BEND4: variants seen among roughly 807,000 people sequenced by gnomAD.
BEND4 encodes BEN domain-containing protein 4.
BEND4 carries 27 observed loss-of-function variants against 54.7 expected under a neutral mutation model. The observed-to-expected ratio is 0.49, with a 90% CI of 0.36 to 0.68. The LOEUF (loss-of-function observed/expected upper bound fraction) is 0.68. BEND4 is among the 30% of genes least tolerant of loss of function. The probability of loss-of-function intolerance (pLI) is 0.00; values close to 1 mark genes in which losing one functional copy is unlikely to be tolerated. For synonymous variants in BEND4, 327 were observed against 299.5 expected, an observed-to-expected ratio of 1.09 and a Z score of -0.95; for missense variants, 702 against 697.2, an observed-to-expected ratio of 1.01 and a Z score of -0.08.
rs1175593487 is a variant in BEND4, at chr4:42,114,473, T to C, written c.*3045A>G. ...CCAATTAAGTGGGGGCACAGCTGCA[T>C]CCTGAGCTGTTTTAACTCAATCTAT... is the stretch of plus-strand genomic sequence containing the variant. On this transcript the variant is annotated 3_prime_UTR_variant, in exon 6 of 6. Transcript: ENST00000502486. 9 of 152,288 alleles carry C rather than the reference T, an allele frequency of 5.9e-5. No individual in the cohort carries two copies. Among genetic ancestry groups the C allele is most frequent in the African/African-American group, 1.9e-4 (8 of 41,566 alleles). 9.4% of individuals were successfully genotyped at this position (152,288 alleles called of 1,614,324 possible).
At chr4:42,123,715 A>AAAC (rs75243803) in intron 4 of BEND4, among the ~76,000 whole-genome samples, 1 of 151,138 alleles carries the variant, frequency 6.6e-6, no homozygotes, top group Non-Finnish European at 1.5e-5. Context: ...AAAAAAAAAA[A>AAAC]AACAACTTTC....
At chr4:42,144,711 A>G (rs903747563) in intron 2 of BEND4, among the ~76,000 whole-genome samples, 3 of 152,238 alleles carry the variant, frequency 2.0e-5, no homozygotes, top group Non-Finnish European at 4.4e-5. Flanking sequence ...AACCTCTTCC[A>G]GTAGATTGCC....
At chr4:42,147,852 C>T (rs1056895884) in intron 2 of BEND4, among the ~76,000 whole-genome samples, 1 of 152,024 alleles carries the variant, frequency 6.6e-6, no homozygotes, top group Non-Finnish European at 1.5e-5. Context: ...GGGAAGTAGG[C>T]AATCAAATAG....
intron 5 of BEND4, chr4:42,119,840 C>T: frequency 1.8e-6 from 1 of 569,030 alleles, no homozygotes; most frequent in Admixed American, 2.9e-5. Context: ...CTATGCGATG[C>T]TTATGTACCA....
intron 3 of BEND4, among the ~76,000 whole-genome samples, chr4:42,136,533 A>C (rs1359218272): frequency 1.3e-5 from 2 of 152,226 alleles, no homozygotes; most frequent in Non-Finnish European, 2.9e-5. Flanking sequence ...TCATTCACAG[A>C]CATATGCAGA....
At chr4:42,130,624 A>G (rs1253233664) in intron 3 of BEND4, among the ~76,000 whole-genome samples, 7 of 152,300 alleles carry the variant, frequency 4.6e-5, no homozygotes. Context: ...GGGAAAGCAA[A>G]TTAGTTCAAC....
rs189789110 is a variant in BEND4 at position 42,119,350 on chromosome 4, T to A, written c.1387+704A>T. ...AGCTTTTTGATATGGATTTTTCAGG[T>A]GTGAACAATGTTTTGTTGGCACTAT... On this transcript the variant is annotated intron_variant, in intron 5 of 5. Transcript: ENST00000502486. Among the ~76,000 whole-genome samples the A allele has an allele frequency of 2.1e-3, 321 of 152,306 alleles. 1 individual carries two copies. The highest frequency in any genetic ancestry group is 7.2e-3 in the African/African-American group (298 of 41,566).
In BEND4 at chr4:42,111,653, G is replaced by A. The variant is rs1374369887; in HGVS notation, c.*5865C>T. 1 of 152,210 alleles carries A rather than the reference G, an allele frequency of 6.6e-6. No homozygotes were observed. Among genetic ancestry groups the A allele is most frequent in the Non-Finnish European group, 1.5e-5 (1 of 68,050 alleles). The allele number at this position is 152,210 out of a possible 1,614,324, so 9.4% of individuals were successfully genotyped here. On this transcript the variant is annotated 3_prime_UTR_variant, in exon 6 of 6. Transcript: ENST00000502486. ...ATTTTCTTACAAAATTTTCACAACA[G>A]TTCTCACAGTGACATCATAAATTAA...
At position 42,144,206 on chromosome 4, in the gene BEND4, T is replaced by C. The variant is rs566702394; in HGVS notation, c.488-212A>G. The C allele has an allele frequency of 1.2e-4, 73 of 597,728 alleles. No homozygotes were observed. In the African/African-American group the frequency reaches 1.3e-3, roughly 11 times the overall value. The allele number at this position is 597,728 out of a possible 1,614,324, so 37.0% of individuals were successfully genotyped here. On this transcript the variant is annotated intron_variant, in intron 2 of 5. Transcript: ENST00000502486. ...GGGATGCTTGCTGAGTCACACGCAG[T>C]CTCTTGCTCTAGGAAACGGCTGGAC... is the stretch of plus-strand genomic sequence containing the variant.
chr4:42,150,241 A>C (rs1279212228), intron 2 of BEND4, among the ~76,000 whole-genome samples: 1 of 152,328 alleles, frequency 6.6e-6, no homozygotes, highest in South Asian at 2.1e-4. Flanking sequence ...AAATCAAGTG[A>C]GCCAACTGCC....
intron 3 of BEND4, among the ~76,000 whole-genome samples, chr4:42,140,313 C>T (rs572368679): frequency 7.2e-5 from 11 of 152,124 alleles, no homozygotes; most frequent in Admixed American, 1.3e-4. Context: ...TAAGTAATCA[C>T]AAATAAGCTA....
At chr4:42,137,884 C>G (rs768604298) in intron 3 of BEND4, among the ~76,000 whole-genome samples, 8 of 152,074 alleles carry the variant, frequency 5.3e-5, no homozygotes, top group Non-Finnish European at 1.0e-4. Flanking sequence ...AAATCAAAAC[C>G]ACTATAAGAC....
At position 42,142,657 on chromosome 4, in the gene BEND4, A is replaced by T. The variant is rs543901350; in HGVS notation, c.1054+771T>A. Among the ~76,000 whole-genome samples, 5 of 151,326 alleles carry T rather than the reference A, an allele frequency of 3.3e-5. No homozygotes were observed. The South Asian group carries it at 1.0e-3, about 32-fold the overall frequency. On this transcript the variant is annotated intron_variant, in intron 3 of 5. Transcript: ENST00000502486. ...GTCTCAAAAAAAAAAAAAAAAAGTA[A>T]AATCAGTACCTTACCAGTTTAAAAA...
In BEND4 at chr4:42,135,076, A is replaced by G. The variant is rs538578945; in HGVS notation, c.1054+8352T>C. ...TGGGGCTGTTTGGGGGAGAGACCAG[A>G]GTCTGGTATGGGAGGGACTGGAGTC... is the stretch of plus-strand genomic sequence containing the variant. On this transcript the variant is annotated intron_variant, in intron 3 of 5. Transcript: ENST00000502486. Among the ~76,000 whole-genome samples, 4 of 152,234 alleles carry G rather than the reference A, an allele frequency of 2.6e-5. No homozygotes were observed. The East Asian group carries it at 7.7e-4, about 29-fold the overall frequency.
chr4:42,142,015 T>C (rs1227914704), intron 3 of BEND4, among the ~76,000 whole-genome samples: 2 of 151,762 alleles, frequency 1.3e-5, no homozygotes, highest in African/African-American at 4.8e-5. Flanking sequence ...GTCATTCTCC[T>C]GCCTCAGCCT....
chr4:42,128,748 C>A lies in BEND4; in HGVS notation c.1055-3074G>T, dbSNP rs945831339. Among the ~76,000 whole-genome samples, 7 of 150,750 alleles carry A rather than the reference C, an allele frequency of 4.6e-5. No individual in the cohort carries two copies. In the South Asian group the frequency reaches 1.5e-3, roughly 31 times the overall value. On this transcript the variant is annotated intron_variant, in intron 3 of 5. Coordinates refer to ENST00000502486, the MANE Select transcript of BEND4 (RefSeq NM_207406.4). ...GTAATCCCAGCACTTTGGGATGAAA[C>A]CCCGTCTCTACTAAAAATACAAACA...
intron 3 of BEND4, among the ~76,000 whole-genome samples, chr4:42,134,396 C>T (rs925531386): frequency 6.6e-6 from 1 of 152,172 alleles, no homozygotes; most frequent in Non-Finnish European, 1.5e-5. Flanking sequence ...AAAGTATAAG[C>T]TCCTGAATTG....
chr4:42,151,103 A>G (rs566372158), intron 2 of BEND4: 1 of 152,526 alleles, frequency 6.6e-6, no homozygotes, highest in Non-Finnish European at 1.5e-5. Flanking sequence ...CGCACAAAAA[A>G]AGACAGAAGG....
At chr4:42,131,333 AAG>A (rs1368737308) in intron 3 of BEND4, among the ~76,000 whole-genome samples, 1 of 152,208 alleles carries the variant, frequency 6.6e-6, no homozygotes, top group Non-Finnish European at 1.5e-5. Flanking sequence ...ATGCATAGAA[AAG>A]AGATAGGAAA....
Sources: gnomAD v4.1 joint callset for allele counts (sites outside exome capture counted in the v4.1 genomes callset) on GRCh38, gnomAD v4.1.1 for gene constraint, MANE v1.5 for transcripts, NCBI Gene and HGNC (gene_info 2026-07-23, HGNC 2026-07-21) for gene names.